Variants in HDLBP observed in about 807,000 individuals in gnomAD.
HDLBP encodes the protein high density lipoprotein binding protein.
Under a neutral mutation model 137.3 loss-of-function variants are expected in HDLBP, and 30 were observed. The ratio of observed to expected loss-of-function variants is 0.22; its 90% CI spans 0.16 to 0.30. HDLBP has a LOEUF of 0.30. Ranked by LOEUF, HDLBP falls within the 10% of genes least tolerant of loss-of-function variation. The pLI is 1.00. For synonymous variants in HDLBP, 606 were observed against 596.0 expected (o/e 1.02, Z -0.24); for missense variants, 1,119 against 1,667.3 (o/e 0.67, Z 5.73).
chr2:241,278,996 G>A (rs552278025), intron 1 of HDLBP, among the ~76,000 whole-genome samples: 4 of 152,212 alleles, frequency 2.6e-5, no homozygotes, highest in Admixed American at 6.5e-5. Flanking sequence ...CTGCACTGCC[G>A]CGTGAGCAAC....
intron 16 of HDLBP, among the ~76,000 whole-genome samples, chr2:241,244,384 A>G (rs889561597): frequency 6.6e-6 from 1 of 152,234 alleles, no homozygotes; most frequent in African/African-American, 2.4e-5. Flanking sequence ...GACATGAAGA[A>G]AACTACACAG....
At chr2:241,282,666 G>C (rs1215686056) in intron 1 of HDLBP, among the ~76,000 whole-genome samples, 3 of 152,232 alleles carry the variant, frequency 2.0e-5, no homozygotes, top group African/African-American at 7.2e-5. Flanking sequence ...CATTGTCATT[G>C]TATCTGTTAT....
chr2:241,297,824 G>A lies in HDLBP; in HGVS notation c.-103+17746C>T, dbSNP rs142357127. On this transcript the variant is annotated intron_variant, in intron 1 of 27. Coordinates refer to ENST00000310931, the MANE Select transcript of HDLBP (RefSeq NM_005336.6). The stretch of plus-strand genomic sequence containing the variant: ...TCCCAGCACTTTGGGAGGCCAAGGC[G>A]GGTGGATCACCTGAGGTCAGGAGTT... Among the ~76,000 whole-genome samples, 64 of 151,540 alleles carry A rather than the reference G, an allele frequency of 4.2e-4. No homozygotes were observed. In the East Asian group the frequency reaches 0.01, roughly 25 times the overall value.
In HDLBP at chr2:241,247,675, T is replaced by C. The variant is rs534370578; in HGVS notation, c.1731+328A>G. On this transcript the variant is annotated intron_variant, in intron 14 of 27. Coordinates refer to ENST00000310931, the MANE Select transcript of HDLBP (RefSeq NM_005336.6). Reference sequence around the variant, plus strand: ...ATATGACTCCTCATGTCACCTGTTATACCTCTTATCTTACTGGATGGGACA... The same window carrying C: ...ATATGACTCCTCATGTCACCTGTTACACCTCTTATCTTACTGGATGGGACA... Among the ~76,000 whole-genome samples the C allele has an allele frequency of 2.6e-5, 4 of 152,378 alleles. No homozygotes were observed. The East Asian group carries it at 7.7e-4, about 29-fold the overall frequency.
rs1328553871 is a variant in HDLBP, at chr2:241,233,252, G to A, written c.3288+568C>T. Among the ~76,000 whole-genome samples, 2 of 152,202 alleles carry A rather than the reference G, an allele frequency of 1.3e-5. No individual in the cohort carries two copies. Among genetic ancestry groups the A allele is most frequent in the South Asian group, 2.1e-4 (1 of 4,834 alleles). Reference sequence around the variant, plus strand: ...AGGGGGTGTTGGGTGAGGCTGCCCTGCATGCCAGGTGGCAGGGCCCAGAGA... The same window carrying A: ...AGGGGGTGTTGGGTGAGGCTGCCCTACATGCCAGGTGGCAGGGCCCAGAGA... On this transcript the variant is annotated intron_variant, in intron 24 of 27. Coordinates refer to ENST00000310931, the MANE Select transcript of HDLBP (RefSeq NM_005336.6). This position sits in a 1 kb window ranked among gnomAD's most constrained non-coding sequence, Gnocchi z 4.3.
rs1347338837 is a variant in HDLBP at position 241,253,622 on chromosome 2, G to A, written c.1189-125C>T. On this transcript the variant is annotated intron_variant, in intron 9 of 27. Coordinates refer to ENST00000310931, the MANE Select transcript of HDLBP (RefSeq NM_005336.6). ...AACTGCTTCACATAGATGTGAGGGA[G>A]GGAGGGACATATCCACAGCCATCAA... 1.9e-5 allele frequency: 13 copies of A among 679,846 alleles called. No homozygotes were observed. The Admixed American group carries it at 3.2e-4, about 16-fold the overall frequency. 42.1% of individuals were successfully genotyped at this position (679,846 alleles called of 1,614,324 possible).
intron 1 of HDLBP, among the ~76,000 whole-genome samples, chr2:241,281,496 G>C (rs1015656818): frequency 1.3e-5 from 2 of 152,184 alleles, no homozygotes; most frequent in African/African-American, 4.8e-5. Context: ...ACTCCAGCCT[G>C]GCTGACCAAG....
At position 241,238,591 on chromosome 2, in the gene HDLBP, C is replaced by T; in HGVS notation, c.2749+58G>A. ...CTCACCAGTATGTGCGACAGCCCCG[C>T]CTCTCACATGGGAGGCGCCACTATT... On this transcript the variant is annotated intron_variant, in intron 20 of 27. Transcript: ENST00000310931. The surrounding 1 kb of genome is among the most constrained non-coding windows in gnomAD (Gnocchi z 4.9). The T allele has an allele frequency of 1.5e-6, 2 of 1,350,188 alleles. No individual in the cohort carries two copies. The highest frequency in any genetic ancestry group is 4.9e-5 in the Admixed American group (2 of 40,818). 83.6% of individuals were successfully genotyped at this position (1,350,188 alleles called of 1,614,324 possible). A position where few individuals can be genotyped will look rare whatever the true frequency, so the allele number is the denominator to read the frequency against.
In HDLBP at chr2:241,230,859, T is replaced by C. The variant is rs2069660604; in HGVS notation, c.3374A>G (p.Glu1125Gly). Residue 1125 changes from glutamate (E) to glycine (G), a missense_variant, in exon 25 of 28, where the codon GAG becomes GGG. Around this residue, in one of 4 missense-constraint regions of HDLBP, gnomAD observed 618 missense variants for 816.7 expected, o/e 0.76. Coordinates refer to ENST00000310931, the MANE Select transcript of HDLBP (RefSeq NM_005336.6). This position sits in a 1 kb window ranked among gnomAD's most constrained non-coding sequence, Gnocchi z 5.0. ...DAILRIVGELEQMVSEDVPLD... is the reference protein window; with the variant it reads ...DAILRIVGELGQMVSEDVPLD... The stretch of plus-strand genomic sequence containing the variant: ...CGGGACGTCCTCAGAAACCATCTGC[T>C]CAAGTTCACCCACAATTCTCAGTAT... 2 of 1,614,110 alleles carry C rather than the reference T, an allele frequency of 1.2e-6. No individual in the cohort carries two copies. Among genetic ancestry groups the C allele is most frequent in the Admixed American group, 1.7e-5 (1 of 60,012 alleles).
At chr2:241,267,048 G>T in intron 2 of HDLBP, 142 bp from the exon 3 acceptor site, 1 of 648,476 alleles carries the variant, frequency 1.5e-6, no homozygotes, top group Non-Finnish European at 2.7e-6. Context: ...AACCTCTGAT[G>T]TAAGCTGATA....
intron 20 of HDLBP, among the ~76,000 whole-genome samples, chr2:241,237,999 C>T (rs1035038100): frequency 6.6e-6 from 1 of 152,246 alleles, no homozygotes; most frequent in Non-Finnish European, 1.5e-5. Flanking sequence ...GGCCACCTGC[C>T]GCCCAAACAG....
intron 1 of HDLBP, among the ~76,000 whole-genome samples, chr2:241,294,997 G>C (rs1389221114): frequency 6.6e-6 from 1 of 152,136 alleles, no homozygotes; most frequent in Non-Finnish European, 1.5e-5. Flanking sequence ...AGCTACTCGG[G>C]AGGCTGAGGC....
intron 1 of HDLBP, among the ~76,000 whole-genome samples, chr2:241,290,165 A>G (rs994373279): frequency 2.0e-5 from 3 of 152,206 alleles, no homozygotes; most frequent in African/African-American, 7.2e-5. Flanking sequence ...TCTGTAAGAA[A>G]GAGTCAGAAA....
chr2:241,272,398 CACGGCACCAG>C lies in HDLBP; in HGVS notation c.-102-3867_-102-3858del. ...CGGCCGCCCCTCCGCGCCGTGCGGC[CACGGCACCAG>C]GGGTGCCCCACCGAAGCCCCGGGAG... is the stretch of plus-strand genomic sequence containing the variant. On this transcript the variant is annotated intron_variant, in intron 1 of 27. Transcript: ENST00000310931. This position sits in a 1 kb window ranked among gnomAD's most constrained non-coding sequence, Gnocchi z 5.6. 3.0e-6 allele frequency: 3 copies of C among 984,810 alleles called. No individual in the cohort carries two copies. Among genetic ancestry groups the C allele is most frequent in the Non-Finnish European group, 3.6e-6 (3 of 829,726 alleles). The allele number at this position is 984,810 out of a possible 1,614,324, so 61.0% of individuals were successfully genotyped here.
intron 1 of HDLBP, among the ~76,000 whole-genome samples, chr2:241,279,360 C>T (rs1340227192): frequency 6.6e-6 from 1 of 152,132 alleles, no homozygotes; most frequent in African/African-American, 2.4e-5. Flanking sequence ...TTTATATACA[C>T]CATTTTTAGA....
intron 1 of HDLBP, chr2:241,271,007 GC>G: frequency 2.7e-5 from 27 of 985,184 alleles, no homozygotes; most frequent in Non-Finnish European, 3.3e-5. Flanking sequence ...CCTTCTCAGG[GC>G]CCGGGTCCAC....
rs73016097 is a variant in HDLBP at position 241,261,453 on chromosome 2, G to C, written c.450+1258C>G. Among the ~76,000 whole-genome samples, 202 of 152,278 alleles carry C rather than the reference G, an allele frequency of 1.3e-3. 1 individual carries two copies. Among genetic ancestry groups the C allele is most frequent in the Non-Finnish European group, 1.6e-3 (112 of 68,024 alleles). ...TATATATATGTATACATGAAAACGG[G>C]AAGATCTGAACTAAGGCACAATAAT... On this transcript the variant is annotated intron_variant, in intron 5 of 27. Transcript: ENST00000310931.
intron 1 of HDLBP, chr2:241,273,007 C>A (rs1430060246): frequency 1.1e-5 from 11 of 984,726 alleles, no homozygotes; most frequent in Admixed American, 6.1e-5. Context: ...GTGGGGAAGG[C>A]GGTGCCGAGG....
intron 1 of HDLBP, chr2:241,269,049 G>A (rs2073882551): frequency 6.6e-6 from 1 of 152,212 alleles, no homozygotes; most frequent in African/African-American, 2.4e-5. Context: ...CAGTTACTTT[G>A]TTCTTCTTGC....
Sources: allele counts gnomAD v4.1 joint callset (sites outside exome capture counted in the v4.1 genomes callset), GRCh38; gene constraint gnomAD v4.1.1; regional missense constraint gnomAD v4.1.1; non-coding constraint Gnocchi (gnomAD v3.1); transcripts MANE v1.5; gene names NCBI Gene and HGNC (gene_info 2026-07-23, HGNC 2026-07-21).